The following CREB5 variants were observed in gnomAD, a reference collection of about 807,000 sequenced individuals.
CREB5 encodes cAMP responsive element binding protein 5, also known as cyclic AMP-responsive element-binding protein 5.
Under a neutral mutation model 57.1 loss-of-function variants are expected in CREB5, and 19 were observed. The observed-to-expected ratio is 0.33, with a 90% CI of 0.23 to 0.49. The LOEUF is 0.49. CREB5 is among the 20% of genes least tolerant of loss of function. The pLI is 0.99. For synonymous variants in CREB5, 238 were observed against 238.3 expected, an observed-to-expected ratio of 1.00 and a Z score of 0.01; for missense variants, 579 against 671.6, an observed-to-expected ratio of 0.86 and a Z score of 1.52.
At chr7:28,482,319 G>A (rs1443590309) in intron 1 of CREB5, among the ~76,000 whole-genome samples, 2 of 152,210 alleles carry the variant, frequency 1.3e-5, no homozygotes, top group East Asian at 1.9e-4. Flanking sequence ...TGTGTTTTTG[G>A]TGAATGTGTG....
intron 5 of CREB5, among the ~76,000 whole-genome samples, chr7:28,702,446 A>G (rs190415345): frequency 1.3e-5 from 2 of 152,352 alleles, no homozygotes; most frequent in African/African-American, 2.4e-5. Context: ...AGAAAGATCT[A>G]TTACCAATAT....
At chr7:28,677,782 G>A (rs1028828752) in intron 5 of CREB5, among the ~76,000 whole-genome samples, 3 of 152,132 alleles carry the variant, frequency 2.0e-5, no homozygotes, top group East Asian at 1.9e-4. Flanking sequence ...GGAGGCTGAC[G>A]TGGGAATATA....
At chr7:28,790,464 G>C (rs952845944) in intron 7 of CREB5, among the ~76,000 whole-genome samples, 1 of 89,418 alleles carries the variant, frequency 1.1e-5, no homozygotes, top group African/African-American at 4.6e-5. Flanking sequence ...GAGAGAGATA[G>C]AGAGAGAGAG....
In CREB5 at chr7:28,820,696, C is replaced by T. The variant is rs921622525; in HGVS notation, c.*1417C>T. The T allele has an allele frequency of 3.7e-5, 3 of 81,058 alleles. No homozygotes were observed. The highest frequency in any genetic ancestry group is 1.2e-4 in the Admixed American group (1 of 8,598). 5.0% of individuals were successfully genotyped at this position (81,058 alleles called of 1,614,324 possible). A position where few individuals can be genotyped will look rare whatever the true frequency, so the allele number is the denominator to read the frequency against. ...CATGGATCACTGCAGCAGCATCCTC[C>T]GAGTTCAAGCTATCCTTCCACCTCC... is the stretch of plus-strand genomic sequence containing the variant. On this transcript the variant is annotated 3_prime_UTR_variant, in exon 11 of 11. Transcript: ENST00000357727.
In CREB5 at chr7:28,520,259, A is replaced by C. The variant is rs1262150022; in HGVS notation, c.291+12522A>C. Among the ~76,000 whole-genome samples, 2 of 152,190 alleles carry C rather than the reference A, an allele frequency of 1.3e-5. 1 individual carries two copies. The highest frequency in any genetic ancestry group is 4.8e-5 in the African/African-American group (2 of 41,446). On this transcript the variant is annotated intron_variant, in intron 4 of 10. Transcript: ENST00000357727. ...AGTTTATAACTTGCTATGCTCACAC[A>C]CTTATGCCAACTTCCTCCTTCGTAG... is the stretch of plus-strand genomic sequence containing the variant.
intron 4 of CREB5, among the ~76,000 whole-genome samples, chr7:28,550,702 T>G (rs918929677): frequency 6.6e-6 from 1 of 152,226 alleles, no homozygotes; most frequent in African/African-American, 2.4e-5. Flanking sequence ...CAATAACCCA[T>G]GCTAGTGAAG....
intron 5 of CREB5, among the ~76,000 whole-genome samples, chr7:28,591,495 C>T (rs909746113): frequency 6.6e-6 from 1 of 152,104 alleles, no homozygotes; most frequent in Admixed American, 6.6e-5. Context: ...TCTTAGAAAC[C>T]TACACGGAGG....
intron 9 of CREB5, among the ~76,000 whole-genome samples, chr7:28,813,885 G>GA (rs762691507): frequency 2.0e-5 from 3 of 151,892 alleles, no homozygotes; most frequent in Non-Finnish European, 4.4e-5. Context: ...TTAGAAAAAT[G>GA]AAAAAATGAA....
At chr7:28,505,308 T>C (rs1792439139) in intron 3 of CREB5, among the ~76,000 whole-genome samples, 1 of 152,200 alleles carries the variant, frequency 6.6e-6, no homozygotes, top group Non-Finnish European at 1.5e-5. Flanking sequence ...AACTCCTTTA[T>C]CTATATAGCC....
chr7:28,364,947 T>A (rs1396312728), intron 1 of CREB5, among the ~76,000 whole-genome samples: 1 of 152,204 alleles, frequency 6.6e-6, no homozygotes, highest in Non-Finnish European at 1.5e-5. Context: ...TTTATGAGAC[T>A]GGTACCTGGT....
At chr7:28,407,103 GC>G (rs1234886373) in intron 1 of CREB5, among the ~76,000 whole-genome samples, 4 of 151,674 alleles carry the variant, frequency 2.6e-5, no homozygotes, top group South Asian at 2.1e-4. Flanking sequence ...AGGTTGGAGT[GC>G]AATGGTGTGA....
At chr7:28,543,770 T>C (rs369037515) in intron 4 of CREB5, among the ~76,000 whole-genome samples, 1 of 151,826 alleles carries the variant, frequency 6.6e-6, no homozygotes, top group Non-Finnish European at 1.5e-5. Flanking sequence ...TCTGCAAATG[T>C]TATCACAGTG....
chr7:28,377,805 T>G (rs1411826656), intron 1 of CREB5, among the ~76,000 whole-genome samples: 2 of 150,824 alleles, frequency 1.3e-5, no homozygotes, highest in Non-Finnish European at 3.0e-5. Context: ...GGTGGCGGGC[T>G]CCTGTAGTCC....
chr7:28,545,866 T>A (rs190516437), intron 4 of CREB5, among the ~76,000 whole-genome samples: 1 of 152,328 alleles, frequency 6.6e-6, no homozygotes, highest in Admixed American at 6.5e-5. Context: ...GTGCTATTAC[T>A]TTTTTCACGC....
intron 1 of CREB5, among the ~76,000 whole-genome samples, chr7:28,300,845 T>C (rs1217331271): frequency 6.6e-6 from 1 of 152,176 alleles, no homozygotes; most frequent in African/African-American, 2.4e-5. Context: ...AACTCCTGAA[T>C]AGTGGTTGTC....
At chr7:28,768,246 C>A (rs1489589305) in intron 7 of CREB5, among the ~76,000 whole-genome samples, 1 of 152,026 alleles carries the variant, frequency 6.6e-6, no homozygotes, top group Non-Finnish European at 1.5e-5. Flanking sequence ...GAAAAAGACT[C>A]TTGTGGAAAG....
intron 1 of CREB5, among the ~76,000 whole-genome samples, chr7:28,318,171 A>G (rs981142810): frequency 6.6e-6 from 1 of 152,206 alleles, no homozygotes; most frequent in African/African-American, 2.4e-5. Context: ...TGACATTCCA[A>G]TCTACCACAG....
intron 5 of CREB5, among the ~76,000 whole-genome samples, chr7:28,598,515 C>T (rs1033662325): frequency 6.6e-6 from 1 of 152,116 alleles, no homozygotes; most frequent in Admixed American, 6.6e-5. Context: ...TTTCTATGAT[C>T]GTTAGACTTG....
chr7:28,794,614 A>G (rs1583760710), intron 7 of CREB5, among the ~76,000 whole-genome samples: 1 of 152,204 alleles, frequency 6.6e-6, no homozygotes, highest in Non-Finnish European at 1.5e-5. Flanking sequence ...GTATGGGGAC[A>G]TTGATGGAAT....
Sources: gnomAD v4.1 joint callset for allele counts (sites outside exome capture counted in the v4.1 genomes callset) on GRCh38, gnomAD v4.1.1 for gene constraint, MANE v1.5 for transcripts, NCBI Gene and HGNC (gene_info 2026-07-23, HGNC 2026-07-21) for gene names.